The following COL1A1 variants were observed in gnomAD, a reference collection of about 807,000 sequenced individuals.
COL1A1 encodes the protein collagen alpha-1(I) chain.
Under a neutral mutation model 195.7 loss-of-function variants are expected in COL1A1, and 21 were observed. The ratio of observed to expected loss-of-function variants is 0.11; its 90% CI spans 0.08 to 0.15. The LOEUF (loss-of-function observed/expected upper bound fraction) is 0.15, where lower values mean the gene tolerates loss of function less well. COL1A1 is among the 10% of genes least tolerant of loss of function. The pLI is 1.00. For synonymous variants in COL1A1, 749 were observed against 747.3 expected, an observed-to-expected ratio of 1.00 and a Z score of -0.04; for missense variants, 1,365 against 2,051.0, an observed-to-expected ratio of 0.67 and a Z score of 6.46.
In COL1A1 at chr17:50,184,270, G is replaced by A. The variant is rs1452854187; in HGVS notation, c.*1232C>T. On this transcript the variant is annotated 3_prime_UTR_variant, in exon 51 of 51. Transcript: ENST00000225964. The stretch of plus-strand genomic sequence containing the variant: ...TCTCTGAAACCCGGGGACAGAGGAC[G>A]CAGGACAGACTAGGAGGGAGCCGGG... 4.3e-5 allele frequency: 10 copies of A among 231,150 alleles called. No individual in the cohort carries two copies. Among genetic ancestry groups the A allele is most frequent in the South Asian group, 1.8e-4 (1 of 5,506 alleles). The allele number at this position is 231,150 out of a possible 1,614,324, so 14.3% of individuals were successfully genotyped here.
rs1555572239 is a variant in COL1A1 at position 50,188,529 on chromosome 17, C to T, written c.3207+1G>A. On this transcript the variant is annotated splice_donor_variant, in intron 43 of 50. Coordinates refer to ENST00000225964, the MANE Select transcript of COL1A1 (RefSeq NM_000088.4). LOFTEE classifies it high-confidence loss of function. This position sits in a 1 kb window ranked among gnomAD's most constrained non-coding sequence, Gnocchi z 5.6. ...CAGGGAACTGGAGCCCAGCTACTTACAGTCTCACCACGATCACCACTCTTG... is the reference window on the plus strand; with the variant it reads ...CAGGGAACTGGAGCCCAGCTACTTATAGTCTCACCACGATCACCACTCTTG... 6.2e-7 allele frequency: 1 copy of T among 1,613,946 alleles called. No homozygotes were observed. Among genetic ancestry groups the T allele is most frequent in the Non-Finnish European group, 8.5e-7 (1 of 1,179,882 alleles).
Position 50,195,385 on chromosome 17 carries a change from G to A in COL1A1, c.1200+49C>T. ...CCTAGGAGCAGAGGGAAAGGGGCAGGCAGGCTGCAGGCGGCAGGAGTGGGA... is the reference window on the plus strand; with the variant it reads ...CCTAGGAGCAGAGGGAAAGGGGCAGACAGGCTGCAGGCGGCAGGAGTGGGA... On this transcript the variant is annotated intron_variant, in intron 18 of 50. Coordinates refer to ENST00000225964, the MANE Select transcript of COL1A1 (RefSeq NM_000088.4). The surrounding 1 kb of genome is among the most constrained non-coding windows in gnomAD (Gnocchi z 4.3). 1 of 1,613,540 alleles carries A rather than the reference G, an allele frequency of 6.2e-7. No individual in the cohort carries two copies. Among genetic ancestry groups the A allele is most frequent in the South Asian group, 1.1e-5 (1 of 91,086 alleles).
At chr17:50,199,991 C>A in intron 1 of COL1A1, 44 bp from the exon 2 acceptor site, 3 of 1,598,516 alleles carry the variant, frequency 1.9e-6, no homozygotes, top group Non-Finnish European at 2.6e-6. Context: ...TGACTGCAAC[C>A]CCCAGCTTAA....
At position 50,194,549 on chromosome 17, in the gene COL1A1, C is replaced by A. The variant is rs755442275; in HGVS notation, c.1515+24G>T. ...ATGCCCAGGGAGCGGCAGGGTCAGC[C>A]CCCCGGCCGCAAGGAGAGGTTACCT... On this transcript the variant is annotated intron_variant, in intron 22 of 50. Coordinates refer to ENST00000225964, the MANE Select transcript of COL1A1 (RefSeq NM_000088.4). The surrounding 1 kb of genome is among the most constrained non-coding windows in gnomAD (Gnocchi z 6.8). 12 of 1,602,228 alleles carry A rather than the reference C, an allele frequency of 7.5e-6. No homozygotes were observed. In the East Asian group the frequency reaches 2.5e-4, roughly 33 times the overall value.
Position 50,189,482 on chromosome 17 carries a change from A to T in COL1A1, c.2724T>A (p.Gly908=). Residue 908 remains glycine (G), a synonymous_variant, in exon 39 of 51, where the codon GGT becomes GGA. Coordinates refer to ENST00000225964, the MANE Select transcript of COL1A1 (RefSeq NM_000088.4). This position sits in a 1 kb window ranked among gnomAD's most constrained non-coding sequence, Gnocchi z 5.5. ...CAGCAGGGCCAGTCTCACCACGGGGACCTTTGCCGCCTTCTTTGCCAGCAG... is the reference window on the plus strand; with the variant it reads ...CAGCAGGGCCAGTCTCACCACGGGGTCCTTTGCCGCCTTCTTTGCCAGCAG... ...PGPAGKEGGK[G]PRGETGPAGR... The T allele has an allele frequency of 1.2e-6, 2 of 1,613,342 alleles. No individual in the cohort carries two copies. The highest frequency in any genetic ancestry group is 1.7e-6 in the Non-Finnish European group (2 of 1,179,818).
Position 50,187,548 on chromosome 17 carries a change from G to A in COL1A1, c.3370-11C>T. 6.2e-7 allele frequency: 1 copy of A among 1,613,948 alleles called. No homozygotes were observed. Among genetic ancestry groups the A allele is most frequent in the South Asian group, 1.1e-5 (1 of 91,066 alleles). On this transcript the variant is annotated splice_polypyrimidine_tract_variant and intron_variant, in intron 45 of 50. Coordinates refer to ENST00000225964, the MANE Select transcript of COL1A1 (RefSeq NM_000088.4). ...TTCACCAGGAGAGCCCTGAAGGACAGATAAAAAAGGCAGTTCAGGCCCAGT... is the reference window on the plus strand; with the variant it reads ...TTCACCAGGAGAGCCCTGAAGGACAAATAAAAAAGGCAGTTCAGGCCCAGT...
intron 7 of COL1A1, 66 bp from the exon 8 acceptor site, chr17:50,198,068 G>C: frequency 1.9e-6 from 3 of 1,607,184 alleles, no homozygotes; most frequent in Non-Finnish European, 2.6e-6. Flanking sequence ...ATCTTACCAA[G>C]AGATCTCTGA....
In COL1A1 at chr17:50,195,316, A is replaced by C. The variant is rs769634537; in HGVS notation, c.1215T>G (p.Ile405Met). The change falls in exon 19 of 51, where the codon ATT becomes ATG. Residue 405 changes from isoleucine to methionine, a missense_variant. Ile to Met is a conservative substitution (Grantham distance 10). Around this residue, in one of 5 missense-constraint regions of COL1A1, gnomAD observed 226 missense variants for 372.9 expected, o/e 0.61. Coordinates refer to ENST00000225964, the MANE Select transcript of COL1A1 (RefSeq NM_000088.4). The surrounding 1 kb of genome is among the most constrained non-coding windows in gnomAD (Gnocchi z 4.3). ...CACCAGGGAAGCCAGGAGCACCAGC[A>C]ATACCAGGAGCACCCTGTGGGAGGC... ...GAKGANGAPG[I>M]AGAPGFPGAR... 2.5e-6 allele frequency: 4 copies of C among 1,613,736 alleles called. No individual in the cohort carries two copies. The Admixed American group carries it at 6.7e-5, about 27-fold the overall frequency.
chr17:50,195,703 G>C lies in COL1A1; in HGVS notation c.1057-38C>G, dbSNP rs1229178020. 7 of 1,601,622 alleles carry C rather than the reference G, an allele frequency of 4.4e-6. No homozygotes were observed. Among genetic ancestry groups the C allele is most frequent in the Admixed American group, 1.7e-5 (1 of 59,028 alleles). ...AAAGGACATATCAGAAGCCACCCTG[G>C]GAAACCCAACCTTGCCTCTCGGGAT... On this transcript the variant is annotated intron_variant, in intron 16 of 50. Transcript: ENST00000225964. This position sits in a 1 kb window ranked among gnomAD's most constrained non-coding sequence, Gnocchi z 4.3.
Position 50,185,639 on chromosome 17 carries a change from C to T in COL1A1, c.4258G>A (p.Gly1420Arg), listed in dbSNP as rs139388334. The change falls in exon 51 of 51, where the codon GGA becomes AGA. Residue 1420 changes from glycine (G) to arginine (R), a missense_variant. Gly to Arg is a moderately radical substitution (Grantham distance 125). Coordinates refer to ENST00000225964, the MANE Select transcript of COL1A1 (RefSeq NM_000088.4). ...TCAATCACTGTCTTGCCCCAGGCTC[C>T]GGTGTGACTCTGGGGTGGGGCGGAG... ...VTVDGCTSHT[G>R]AWGKTVIEYK... The T allele has an allele frequency of 6.8e-6, 11 of 1,613,456 alleles. No individual in the cohort carries two copies. Among genetic ancestry groups the T allele is most frequent in the East Asian group, 2.2e-5 (1 of 44,884 alleles).
At position 50,194,009 on chromosome 17, in the gene COL1A1, G is replaced by C; in HGVS notation, c.1701C>G (p.Pro567=). ...GPAGQDGRPG[P]PGPPGARGQA... is the part of the protein sequence containing the mutation. ...GACCACGGGCACCAGGTGGGCCTGG[G>C]GGTCCGGGGCGACCATCTTGACCGG... The change falls in exon 25 of 51, where the codon CCC becomes CCG. Residue 567 remains proline (P), a synonymous_variant. Transcript: ENST00000225964. The surrounding 1 kb of genome is among the most constrained non-coding windows in gnomAD (Gnocchi z 6.8). The C allele has an allele frequency of 6.2e-6, 10 of 1,614,144 alleles. No individual in the cohort carries two copies. The highest frequency in any genetic ancestry group is 8.5e-6 in the Non-Finnish European group (10 of 1,180,034).
Position 50,190,790 on chromosome 17 carries a change from C to G in COL1A1, c.2343+27G>C. 1 of 1,588,796 alleles carries G rather than the reference C, an allele frequency of 6.3e-7. No individual in the cohort carries two copies. Among genetic ancestry groups the G allele is most frequent in the Non-Finnish European group, 8.6e-7 (1 of 1,157,304 alleles). ...CTGCTGAGGAGGCTATGTGTTAGGGCAGAAGGTGGGGAGGCGGCCACCTCA... is the reference window on the plus strand; with the variant it reads ...CTGCTGAGGAGGCTATGTGTTAGGGGAGAAGGTGGGGAGGCGGCCACCTCA... On this transcript the variant is annotated intron_variant, in intron 33 of 50. Transcript: ENST00000225964. The surrounding 1 kb of genome is among the most constrained non-coding windows in gnomAD (Gnocchi z 4.7).
Position 50,190,387 on chromosome 17 carries a change from G to A in COL1A1, c.2398-7C>T. The stretch of plus-strand genomic sequence containing the variant: ...CAGGCTCACCACGGTCTCCCTAGAA[G>A]AAAAGGAGTCAGATTGGAGAGATGC... On this transcript the variant is annotated splice_polypyrimidine_tract_variant and splice_region_variant and intron_variant, in intron 34 of 50. Coordinates refer to ENST00000225964, the MANE Select transcript of COL1A1 (RefSeq NM_000088.4). The surrounding 1 kb of genome is among the most constrained non-coding windows in gnomAD (Gnocchi z 4.7). 1 of 1,612,594 alleles carries A rather than the reference G, an allele frequency of 6.2e-7. No homozygotes were observed. The highest frequency in any genetic ancestry group is 8.5e-7 in the Non-Finnish European group (1 of 1,178,812).
Position 50,189,017 on chromosome 17 carries a change from G to A in COL1A1, c.2938-7C>T, listed in dbSNP as rs757272365. 3 of 1,611,026 alleles carry A rather than the reference G, an allele frequency of 1.9e-6. No individual in the cohort carries two copies. Among genetic ancestry groups the A allele is most frequent in the Admixed American group, 3.3e-5 (2 of 60,004 alleles). On this transcript the variant is annotated splice_region_variant and splice_polypyrimidine_tract_variant and intron_variant, in intron 40 of 50. Transcript: ENST00000225964. This position sits in a 1 kb window ranked among gnomAD's most constrained non-coding sequence, Gnocchi z 5.5. Reference sequence around the variant, plus strand: ...CTTGTTTGCCAGGTTCACCCTAAGGGAGAAGAAAGAGTCAGGCCAGAGATA... The same window carrying A: ...CTTGTTTGCCAGGTTCACCCTAAGGAAGAAGAAAGAGTCAGGCCAGAGATA...
In COL1A1 at chr17:50,197,866, G is replaced by A. The variant is rs9913817; in HGVS notation, c.643-81C>T. ...GCTGGGATTGAAGGGAAGAGGTAAG[G>A]AAGACCCCAGGCCTGGGAGTTCTTC... On this transcript the variant is annotated intron_variant, in intron 8 of 50. Transcript: ENST00000225964. 0.039 allele frequency: 61,987 copies of A among 1,585,658 alleles called. 5,486 individuals carry two copies. Among genetic ancestry groups the A allele is most frequent in the African/African-American group, 0.35 (26,307 of 74,188 alleles).
chr17:50,193,821 G>T, intron 25 of COL1A1, 122 bp downstream of exon 25: 1 of 878,326 alleles, frequency 1.1e-6, no homozygotes, highest in Non-Finnish European at 1.9e-6. Flanking sequence ...CTGAGGTCCA[G>T]AAAGTGAGAG....
rs776229611 is a variant in COL1A1, at chr17:50,195,232, G to A, written c.1299C>T (p.Ser433=). The A allele has an allele frequency of 2.2e-5, 35 of 1,612,356 alleles. No individual in the cohort carries two copies. Among genetic ancestry groups the A allele is most frequent in the Admixed American group, 3.4e-5 (2 of 59,686 alleles). Residue 433 remains serine (S), a splice_region_variant and synonymous_variant, in exon 19 of 51, where the codon AGC becomes AGT. Transcript: ENST00000225964. This position sits in a 1 kb window ranked among gnomAD's most constrained non-coding sequence, Gnocchi z 4.3. ...GCAGAAGGGAGAGTTTGGTACTCACGCTGTTACCCTTGGGACCAGGAGGGC... is the reference window on the plus strand; with the variant it reads ...GCAGAAGGGAGAGTTTGGTACTCACACTGTTACCCTTGGGACCAGGAGGGC... The part of the protein sequence containing the change: ...PGGPPGPKGN[S]GEPGAPGSKG...
At position 50,198,153 on chromosome 17, in the gene COL1A1, A is replaced by G. The variant is rs1907761188; in HGVS notation, c.588+8T>C. 2 of 1,614,026 alleles carry G rather than the reference A, an allele frequency of 1.2e-6. No individual in the cohort carries two copies. Among genetic ancestry groups the G allele is most frequent in the African/African-American group, 2.7e-5 (2 of 74,996 alleles). On this transcript the variant is annotated splice_region_variant and intron_variant, in intron 7 of 50. Coordinates refer to ENST00000225964, the MANE Select transcript of COL1A1 (RefSeq NM_000088.4). The stretch of plus-strand genomic sequence containing the variant: ...AAGGAGGCATATGAAGACGTCCTGG[A>G]TACTCACAGGTGCACCAGGGGGGCC...
rs1340118806 is a variant in COL1A1 at position 50,193,901 on chromosome 17, T to C, written c.1767+42A>G. On this transcript the variant is annotated intron_variant, in intron 25 of 50. Transcript: ENST00000225964. The stretch of plus-strand genomic sequence containing the variant: ...CCAGGACTCCTTCAAGTCTCAGGTG[T>C]GTTTGTCCCTGGCTCTTCATGGATC... The C allele has an allele frequency of 1.9e-6, 3 of 1,561,892 alleles. No individual in the cohort carries two copies. In the African/African-American group the frequency reaches 4.1e-5, roughly 21 times the overall value.
Sources: gnomAD v4.1 joint callset for allele counts on GRCh38, gnomAD v4.1.1 for gene constraint, gnomAD v4.1.1 regional missense constraint, Gnocchi (gnomAD v3.1) non-coding constraint, MANE v1.5 for transcripts, NCBI Gene and HGNC (gene_info 2026-07-23, HGNC 2026-07-21) for gene names.